MSX2: variants seen among roughly 807,000 people sequenced by gnomAD.
MSX2 encodes the protein msh homeobox 2.
MSX2 carries 10 observed loss-of-function variants against 18.4 expected under a neutral mutation model. That is an observed-to-expected ratio of 0.54 (90% CI 0.34 to 0.92). The LOEUF (loss-of-function observed/expected upper bound fraction) is 0.92. Among genes scored for constraint, MSX2 ranks in the 40% least tolerant of loss-of-function variants. The pLI, the probability that MSX2 is intolerant of heterozygous loss-of-function variation, is 0.02. For missense variants in MSX2, 339 were observed against 364.0 expected (o/e 0.93, Z 0.56); for synonymous variants, 170 against 165.6 (o/e 1.03, Z -0.20).
rs752778789 is a variant in MSX2 at position 174,724,929 on chromosome 5, C to T, written c.270C>T (p.His90=). The T allele has an allele frequency of 3.2e-6, 5 of 1,582,416 alleles. No homozygotes were observed. Among genetic ancestry groups the T allele is most frequent in the Non-Finnish European group, 3.4e-6 (4 of 1,166,706 alleles). The change falls in exon 1 of 2, where the codon CAC becomes CAT. Residue 90 remains histidine (H), a synonymous_variant. Coordinates refer to ENST00000239243, the MANE Select transcript of MSX2 (RefSeq NM_002449.5). ...CGGGGCACGGCGCTCGGGAAGCGCA[C>T]AGCCCCGGGCCGCTGGTGAAGCCCT... ...LLSGHGAREA[H]SPGPLVKPFE... is the part of the protein sequence containing the mutation.
In MSX2 at chr5:174,724,811, C is replaced by T. The variant is rs1344807799; in HGVS notation, c.152C>T (p.Ala51Val). The change falls in exon 1 of 2, where the codon GCG becomes GTG. Residue 51 changes from alanine (A) to valine (V), a missense_variant. Transcript: ENST00000239243. ...TCCAGCCTGCCCTTCAGCGTGGAGG[C>T]GCTCATGTCCGACAAGAAGCCGCCC... ...KVSSLPFSVEALMSDKKPPKE... is the reference protein window; with the variant it reads ...KVSSLPFSVEVLMSDKKPPKE... 1 of 1,551,628 alleles carries T rather than the reference C, an allele frequency of 6.4e-7. No homozygotes were observed. The highest frequency in any genetic ancestry group is 8.7e-7 in the Non-Finnish European group (1 of 1,148,006).
intron 1 of MSX2, among the ~76,000 whole-genome samples, chr5:174,726,561 G>A (rs1760803706): frequency 7.3e-6 from 1 of 136,662 alleles, no homozygotes; most frequent in African/African-American, 2.7e-5. Flanking sequence ...AAAGTTCAGA[G>A]AGGAATCGGC....
rs1165916964 is a variant in MSX2, at chr5:174,729,474, C to T, written c.695C>T (p.Ala232Val). Residue 232 changes from alanine (A) to valine (V), a missense_variant, in exon 2 of 2, where the codon GCA (alanine) becomes GTA (valine). Physicochemically the swap from Ala to Val is moderately conservative, Grantham distance 64. This residue lies in a region of MSX2 where 128 missense variants were observed against 178.6 expected (regional missense o/e 0.72). Coordinates refer to ENST00000239243, the MANE Select transcript of MSX2 (RefSeq NM_002449.5). ...LPFPISSPLQ[A>V]ASIYGASYPF... ...TTCCCCATCAGCTCGCCCCTGCAGG[C>T]AGCGTCCATATATGGAGCATCCTAC... 6.2e-7 allele frequency: 1 copy of T among 1,613,904 alleles called. No homozygotes were observed. Among genetic ancestry groups the T allele is most frequent in the African/African-American group, 1.3e-5 (1 of 74,934 alleles).
intron 1 of MSX2, among the ~76,000 whole-genome samples, chr5:174,726,301 C>T (rs1036332674): frequency 1.4e-4 from 21 of 152,070 alleles, no homozygotes; most frequent in African/African-American, 5.1e-4. Flanking sequence ...CATCATTCAG[C>T]CCTCAAGACT....
chr5:174,724,754 A>G lies in MSX2; in HGVS notation c.95A>G (p.Glu32Gly). ...AGPGPGPGGA[E>G]GAAEERRVKV... Reference sequence around the variant, plus strand: ...CCAGGCCCGGGGCCTGGGGGCGCCGAGGGGGCCGCGGAGGAGCGCCGCGTC... The same window carrying G: ...CCAGGCCCGGGGCCTGGGGGCGCCGGGGGGGCCGCGGAGGAGCGCCGCGTC... Residue 32 changes from glutamate to glycine, a missense_variant, in exon 1 of 2, where the codon GAG becomes GGG. Physicochemically the swap from Glu to Gly is moderately conservative, Grantham distance 98 (BLOSUM62 -2). Around this residue, in one of 2 missense-constraint regions of MSX2, gnomAD observed 211 missense variants for 185.4 expected, o/e 1.14. Transcript: ENST00000239243. The G allele has an allele frequency of 6.4e-7, 1 of 1,569,172 alleles. No homozygotes were observed. The highest frequency in any genetic ancestry group is 1.2e-5 in the South Asian group (1 of 86,010).
In MSX2 at chr5:174,724,618, C is replaced by T. The variant is rs758437365; in HGVS notation, c.-42C>T. On this transcript the variant is annotated 5_prime_UTR_variant, in exon 1 of 2. Coordinates refer to ENST00000239243, the MANE Select transcript of MSX2 (RefSeq NM_002449.5). ...GTTTGAGTCGCCGCTGCCGGGTTGCCAGCGGAGTCGCGCGTCGGGAGCTAC... is the reference window on the plus strand; with the variant it reads ...GTTTGAGTCGCCGCTGCCGGGTTGCTAGCGGAGTCGCGCGTCGGGAGCTAC... The T allele has an allele frequency of 4.0e-5, 63 of 1,561,890 alleles. No individual in the cohort carries two copies. Among genetic ancestry groups the T allele is most frequent in the African/African-American group, 1.1e-4 (8 of 73,872 alleles).
rs1181011963 is a variant in MSX2, at chr5:174,724,613, G to A, written c.-47G>A. The stretch of plus-strand genomic sequence containing the variant: ...AAAAAGTTTGAGTCGCCGCTGCCGG[G>A]TTGCCAGCGGAGTCGCGCGTCGGGA... On this transcript the variant is annotated 5_prime_UTR_variant, in exon 1 of 2. Coordinates refer to ENST00000239243, the MANE Select transcript of MSX2 (RefSeq NM_002449.5). 1.9e-6 allele frequency: 3 copies of A among 1,557,324 alleles called. No individual in the cohort carries two copies. Among genetic ancestry groups the A allele is most frequent in the Non-Finnish European group, 2.6e-6 (3 of 1,150,986 alleles).
rs1760884141 is a variant in MSX2, at chr5:174,729,677, C to G, written c.*94C>G. ...GGCAGTACCAGCCAGTACTCCTGCT[C>G]TGCTAACCCTGCGTGCACCACCCTA... On this transcript the variant is annotated 3_prime_UTR_variant, in exon 2 of 2. Transcript: ENST00000239243. 3 of 1,327,902 alleles carry G rather than the reference C, an allele frequency of 2.3e-6. No homozygotes were observed. The highest frequency in any genetic ancestry group is 2.4e-5 in the South Asian group (2 of 84,422). 82.3% of individuals were successfully genotyped at this position (1,327,902 alleles called of 1,614,324 possible).
intron 1 of MSX2, among the ~76,000 whole-genome samples, chr5:174,725,736 G>A (rs1300486379): frequency 1.3e-5 from 2 of 152,160 alleles, no homozygotes; most frequent in Admixed American, 1.3e-4. Context: ...AAGCGCACGG[G>A]CTCTTCTTGG....
intron 1 of MSX2, 82 bp downstream of exon 1, chr5:174,725,120 A>T: frequency 6.5e-7 from 1 of 1,548,804 alleles, no homozygotes; most frequent in Non-Finnish European, 8.7e-7. Context: ...GGCTGAGGGT[A>T]CCGAGACCCT....
chr5:174,729,168 G>A lies in MSX2; in HGVS notation c.389G>A (p.Ser130Asn), dbSNP rs1760869920. The A allele has an allele frequency of 3.7e-6, 6 of 1,613,812 alleles. No individual in the cohort carries two copies. The highest frequency in any genetic ancestry group is 1.3e-5 in the African/African-American group (1 of 74,852). The change falls in exon 2 of 2, where the codon AGC (serine) becomes AAC (asparagine). Residue 130 changes from serine to asparagine, a missense_variant. By Grantham distance (46) the Ser-to-Asn change is conservative. Transcript: ENST00000239243. ...TCTCTCTGTTCTCTAGGACATATGA[G>A]CCCTACCACCTGCACCCTGAGGAAA... Reference protein sequence around the residue: ...GRYSPPPRHMSPTTCTLRKHK... With the variant: ...GRYSPPPRHMNPTTCTLRKHK...
chr5:174,725,953 G>A (rs1006821784), intron 1 of MSX2, among the ~76,000 whole-genome samples: 1 of 152,162 alleles, frequency 6.6e-6, no homozygotes, highest in African/African-American at 2.4e-5. Flanking sequence ...TGATTGGCCA[G>A]GGGCACCTGT....
chr5:174,725,107 C>T lies in MSX2; in HGVS notation c.379+69C>T, dbSNP rs6896197. 8,983 of 1,577,040 alleles carry T rather than the reference C, an allele frequency of 5.7e-3. 262 individuals carry two copies. The African/African-American group carries it at 0.073, about 13-fold the overall frequency. On this transcript the variant is annotated intron_variant, in intron 1 of 1. Coordinates refer to ENST00000239243, the MANE Select transcript of MSX2 (RefSeq NM_002449.5). ...TGGAGGGAGCGGGGGGCGGGTGTTC[C>T]AGGGCTGAGGGTACCGAGACCCTTC...
At chr5:174,728,775 CTGTT>C (rs1425925439) in intron 1 of MSX2, among the ~76,000 whole-genome samples, 1 of 152,092 alleles carries the variant, frequency 6.6e-6, no homozygotes, top group East Asian at 1.9e-4. Context: ...ATCTCTAATG[CTGTT>C]TGTTTTCCAT....
chr5:174,728,919 G>A (rs1760859958), intron 1 of MSX2, among the ~76,000 whole-genome samples: 1 of 151,548 alleles, frequency 6.6e-6, no homozygotes, highest in Non-Finnish European at 1.5e-5. Context: ...TTTTGACAAA[G>A]GTACCTTTTT....
chr5:174,727,268 C>T (rs918642998), intron 1 of MSX2, among the ~76,000 whole-genome samples: 4 of 152,068 alleles, frequency 2.6e-5, no homozygotes, highest in African/African-American at 9.7e-5. Context: ...CGCATCCTTC[C>T]TCTGGCTGGT....
rs1760870192 is a variant in MSX2 at position 174,729,185 on chromosome 5, C to G, written c.406C>G (p.Leu136Val). 1.2e-6 allele frequency: 2 copies of G among 1,613,952 alleles called. No homozygotes were observed. Among genetic ancestry groups the G allele is most frequent in the Non-Finnish European group, 1.7e-6 (2 of 1,180,038 alleles). The stretch of plus-strand genomic sequence containing the variant: ...ACATATGAGCCCTACCACCTGCACC[C>G]TGAGGAAACACAAGACCAATCGGAA... ...PRHMSPTTCT[L>V]RKHKTNRKPR... is the part of the protein sequence containing the mutation. Residue 136 changes from leucine to valine, a missense_variant, in exon 2 of 2, where the codon CTG (leucine) becomes GTG (valine). Leu to Val is a conservative substitution (Grantham distance 32). Around this residue, in one of 2 missense-constraint regions of MSX2, gnomAD observed 128 missense variants for 178.6 expected, o/e 0.72. Transcript: ENST00000239243.
intron 1 of MSX2, among the ~76,000 whole-genome samples, chr5:174,726,210 A>G (rs1268275428): frequency 1.6e-4 from 24 of 152,150 alleles, no homozygotes; most frequent in Admixed American, 8.5e-4. Flanking sequence ...CCACCACGCC[A>G]TCCCCTACCT....
At chr5:174,725,179 CCT>C in intron 1 of MSX2, 141 bp downstream of exon 1, 1 of 1,350,092 alleles carries the variant, frequency 7.4e-7, no homozygotes, top group Non-Finnish European at 9.8e-7. Flanking sequence ...CCTCTGGACT[CCT>C]GGGTGCCCGG....
Sources: allele counts gnomAD v4.1 joint callset (sites outside exome capture counted in the v4.1 genomes callset), GRCh38; gene constraint gnomAD v4.1.1; regional missense constraint gnomAD v4.1.1; transcripts MANE v1.5; gene names NCBI Gene and HGNC (gene_info 2026-07-23, HGNC 2026-07-21).